ADGRF5: variants seen among roughly 807,000 people sequenced by gnomAD.
The protein encoded by ADGRF5 is G-protein coupled receptor 116.
Under a neutral mutation model 132.3 loss-of-function variants are expected in ADGRF5, and 75 were observed. The observed-to-expected ratio is 0.57, with a 90% CI of 0.47 to 0.69. ADGRF5 has a LOEUF of 0.69. Among genes scored for constraint, ADGRF5 ranks in the 30% least tolerant of loss-of-function variants. The pLI is 0.00. For missense variants in ADGRF5, 1,516 were observed against 1,630.6 expected, an observed-to-expected ratio of 0.93 and a Z score of 1.21; for synonymous variants, 629 against 597.6, an observed-to-expected ratio of 1.05 and a Z score of -0.77.
intron 1 of ADGRF5, among the ~76,000 whole-genome samples, chr6:46,951,876 G>A (rs928728549): frequency 3.3e-5 from 5 of 152,206 alleles, no homozygotes; most frequent in Non-Finnish European, 7.3e-5. Flanking sequence ...CTGAACATGT[G>A]GGCATAGTAA....
intron 10 of ADGRF5, among the ~76,000 whole-genome samples, chr6:46,874,392 C>G (rs943863936): frequency 2.0e-5 from 3 of 152,148 alleles, no homozygotes; most frequent in Admixed American, 2.0e-4. Flanking sequence ...TCTCACCAAA[C>G]TAATGTACAA....
In ADGRF5 at chr6:46,931,653, C is replaced by G. The variant is rs187964155; in HGVS notation, c.-25+23081G>C. Among the ~76,000 whole-genome samples the G allele has an allele frequency of 1.3e-3, 197 of 152,366 alleles. 1 individual carries two copies. The highest frequency in any genetic ancestry group is 4.4e-3 in the African/African-American group (181 of 41,590). On this transcript the variant is annotated intron_variant, in intron 1 of 20. Transcript: ENST00000265417. Reference sequence around the variant, plus strand: ...CCAGGGGCCCACTGTCCTCTTTCACCTGTGCTTTCTCCCAGGGTGACCTCA... The same window carrying G: ...CCAGGGGCCCACTGTCCTCTTTCACGTGTGCTTTCTCCCAGGGTGACCTCA...
upstream of ADGRF5, among the ~76,000 whole-genome samples, chr6:46,922,356 C>T (rs1361338587): frequency 6.6e-6 from 1 of 152,156 alleles, no homozygotes; most frequent in East Asian, 1.9e-4. Context: ...GTTGCTTAGT[C>T]CTCCCCCGCG....
At chr6:46,884,354 T>A in intron 4 of ADGRF5, 83 bp from the exon 5 acceptor site, 1 of 1,076,082 alleles carries the variant, frequency 9.3e-7, no homozygotes, top group Admixed American at 2.1e-5. Flanking sequence ...AGGTATTCAT[T>A]CTTGAAGAAC....
At position 46,871,980 on chromosome 6, in the gene ADGRF5, C is replaced by T. The variant is rs746651426; in HGVS notation, c.1274G>A (p.Ser425Asn). 6.2e-7 allele frequency: 1 copy of T among 1,611,074 alleles called. No homozygotes were observed. The highest frequency in any genetic ancestry group is 1.1e-5 in the South Asian group (1 of 90,594). The change falls in exon 11 of 21, where the codon AGC (serine) becomes AAC (asparagine). Residue 425 changes from serine to asparagine, a missense_variant. Physicochemically the swap from Ser to Asn is conservative, Grantham distance 46 (BLOSUM62 1). Transcript: ENST00000283296. ...TPETDIDSSC[S>N]RYTLKADGTQ... is the part of the protein sequence containing the mutation. ...TCCATCAGCCTTGAGGGTGTATCTGCTGCAGCTAGAATCTATGTCTGTCTC... is the reference window on the plus strand; with the variant it reads ...TCCATCAGCCTTGAGGGTGTATCTGTTGCAGCTAGAATCTATGTCTGTCTC...
chr6:46,933,204 T>A (rs1777650331), intron 1 of ADGRF5, among the ~76,000 whole-genome samples: 1 of 152,202 alleles, frequency 6.6e-6, no homozygotes, highest in East Asian at 1.9e-4. Flanking sequence ...AAATATTAAC[T>A]TGATAGTTAG....
intron 1 of ADGRF5, among the ~76,000 whole-genome samples, chr6:46,941,310 A>T (rs746739807): frequency 2.0e-5 from 3 of 151,884 alleles, no homozygotes; most frequent in Middle Eastern, 3.4e-3. Flanking sequence ...AACCTGGGTG[A>T]CAGAGAGAAA....
chr6:46,881,436 T>G lies in ADGRF5; in HGVS notation c.814+19A>C, dbSNP rs763693598. 1.7e-5 allele frequency: 27 copies of G among 1,604,608 alleles called. No homozygotes were observed. The highest frequency in any genetic ancestry group is 2.3e-5 in the Non-Finnish European group (27 of 1,171,576). ...CATAACCATAAATAACATGACCATA[T>G]CTAAACAATTTCACTTACTGATAGT... On this transcript the variant is annotated intron_variant, in intron 8 of 20. Coordinates refer to ENST00000283296, the MANE Select transcript of ADGRF5 (RefSeq NM_001098518.2).
At chr6:46,913,392 G>A (rs13198320) in intron 1 of ADGRF5, among the ~76,000 whole-genome samples, 15,592 of 152,034 alleles carry the variant, frequency 0.1, 975 homozygotes, top group Admixed American at 0.2. Flanking sequence ...TCAGCTACTC[G>A]GGAGGCTGAG....
Position 46,860,050 on chromosome 6 carries a change from G to C in ADGRF5, c.2380-527C>G, listed in dbSNP as rs572037016. 1.4e-3 allele frequency among the ~76,000 whole-genome samples: 218 copies of C among 152,106 alleles called. 1 individual carries two copies. The highest frequency in any genetic ancestry group is 5.2e-3 in the African/African-American group (214 of 41,486). On this transcript the variant is annotated intron_variant, in intron 16 of 20. Coordinates refer to ENST00000283296, the MANE Select transcript of ADGRF5 (RefSeq NM_001098518.2). ...TTTCCTGCTGTCCACTGCTCTCCCCGCTGCAGTCCCCTTTCTCCTGAGCAC... is the reference window on the plus strand; with the variant it reads ...TTTCCTGCTGTCCACTGCTCTCCCCCCTGCAGTCCCCTTTCTCCTGAGCAC...
chr6:46,862,518 T>A (rs1769880343), intron 15 of ADGRF5, among the ~76,000 whole-genome samples: 1 of 151,988 alleles, frequency 6.6e-6, no homozygotes, highest in Non-Finnish European at 1.5e-5. Context: ...TATTGCTCCT[T>A]TTTCTGAAAG....
chr6:46,902,933 A>C (rs1581928147), intron 2 of ADGRF5, among the ~76,000 whole-genome samples: 1 of 152,352 alleles, frequency 6.6e-6, no homozygotes. Flanking sequence ...GCAAATGGTC[A>C]CACCAAGAAG....
rs762259946 is a variant in ADGRF5, at chr6:46,888,370, TG to T, written c.292del (p.Gln98LysfsTer6). 6.2e-7 allele frequency: 1 copy of T among 1,611,528 alleles called. No homozygotes were observed. Among genetic ancestry groups the T allele is most frequent in the Non-Finnish European group, 8.5e-7 (1 of 1,177,652 alleles). On this transcript the variant is annotated frameshift_variant, in exon 4 of 21. Transcript: ENST00000283296. LOFTEE classifies it high-confidence loss of function. ...SFPIHGNNTD[Q>X]ITDILSINVT... ...ATTTATGCTCAAAATGTCGGTAATT[TG>T]GTCAGTGTTATTCCCATGAATTGGA... is the stretch of plus-strand genomic sequence containing the variant.
At chr6:46,888,564 T>C in intron 3 of ADGRF5, 59 bp from the exon 4 acceptor site, 1 of 1,173,228 alleles carries the variant, frequency 8.5e-7, no homozygotes, top group South Asian at 1.3e-5. Context: ...AGTAAGATCA[T>C]GATGGATATT....
At chr6:46,886,989 A>G (rs1773129475) in intron 4 of ADGRF5, 1 of 152,186 alleles carries the variant, frequency 6.6e-6, no homozygotes, top group African/African-American at 2.4e-5. Flanking sequence ...ATTTTAATTG[A>G]GAAGCTTGTT....
At chr6:46,929,929 T>C (rs1232561332) in intron 1 of ADGRF5, among the ~76,000 whole-genome samples, 1 of 152,180 alleles carries the variant, frequency 6.6e-6, no homozygotes, top group East Asian at 1.9e-4. Flanking sequence ...CAAGCAATTC[T>C]CCTGTCTCAG....
chr6:46,868,424 C>A (rs1019422137), intron 12 of ADGRF5, among the ~76,000 whole-genome samples: 1 of 152,214 alleles, frequency 6.6e-6, no homozygotes, highest in Non-Finnish European at 1.5e-5. Context: ...CTACCAATTT[C>A]TCTTTGCTTT....
At chr6:46,921,489 A>G (rs925602226) in intron 1 of ADGRF5, among the ~76,000 whole-genome samples, 3 of 152,178 alleles carry the variant, frequency 2.0e-5, no homozygotes, top group South Asian at 4.1e-4. Context: ...TTGATACGCC[A>G]TCTCCTTTAA....
At position 46,867,015 on chromosome 6, in the gene ADGRF5, A is replaced by C; in HGVS notation, c.1744T>G (p.Cys582Gly). 6.2e-7 allele frequency: 1 copy of C among 1,613,860 alleles called. No individual in the cohort carries two copies. Among genetic ancestry groups the C allele is most frequent in the Non-Finnish European group, 8.5e-7 (1 of 1,179,704 alleles). The change falls in exon 13 of 21, where the codon TGC becomes GGC. Residue 582 changes from cysteine to glycine, a missense_variant. Cys to Gly is a radical substitution (Grantham distance 159). Around this residue, in one of 2 missense-constraint regions of ADGRF5, gnomAD observed 945 missense variants for 929.4 expected, o/e 1.02. Transcript: ENST00000283296. ...CACTTGATGTGATGGGAACCACTGC[A>C]TGAAACAGTAGCTTCCAAAGGATCA... ...MVDPLEATVS[C>G]SGSHHIKCCI...
Sources: allele counts gnomAD v4.1 joint callset (sites outside exome capture counted in the v4.1 genomes callset), GRCh38; gene constraint gnomAD v4.1.1; regional missense constraint gnomAD v4.1.1; transcripts MANE v1.5; gene names NCBI Gene and HGNC (gene_info 2026-07-23, HGNC 2026-07-21).